PHF21A: variants seen among roughly 807,000 people sequenced by gnomAD.
PHF21A encodes the protein PHD finger protein 21A, also known as BHC80a.
PHF21A carries 11 observed loss-of-function variants against 82.5 expected under a neutral mutation model. The ratio of observed to expected loss-of-function variants is 0.13; its 90% CI spans 0.08 to 0.22. The LOEUF is 0.22. Among genes scored for constraint, PHF21A ranks in the 10% least tolerant of loss-of-function variants. PHF21A has a pLI of 1.00. For missense variants in PHF21A, 579 were observed against 837.8 expected (o/e 0.69, Z 3.81); for synonymous variants, 297 against 302.8 (o/e 0.98, Z 0.20).
At chr11:45,963,549 C>T (rs538021329) in intron 10 of PHF21A, among the ~76,000 whole-genome samples, 1 of 151,798 alleles carries the variant, frequency 6.6e-6, no homozygotes, top group Non-Finnish European at 1.5e-5. Context: ...CGGGGAAAAG[C>T]ACCTTCTACA....
rs56931455 is a variant in PHF21A, at chr11:45,939,771, C to CAA, written c.1453-1461_1453-1460dup. Among the ~76,000 whole-genome samples, 380 of 59,982 alleles carry CAA rather than the reference C, an allele frequency of 6.3e-3. 1 individual carries two copies. Among genetic ancestry groups the CAA allele is most frequent in the Middle Eastern group, 0.021 (2 of 94 alleles). The allele number at this position is 59,982 out of a possible 152,430, so 39.4% of individuals were successfully genotyped here. On this transcript the variant is annotated intron_variant, in intron 15 of 18. Coordinates refer to ENST00000676320, the MANE Select transcript of PHF21A (RefSeq NM_001352027.3). Reference sequence around the variant, plus strand: ...AAAATTGGAAGAGGAGAACATAGCCCAAAAAAAAAAAAAAAAAAAAAAAAG... The same window carrying CAA: ...AAAATTGGAAGAGGAGAACATAGCCCAAAAAAAAAAAAAAAAAAAAAAAAAAG...
intron 16 of PHF21A, among the ~76,000 whole-genome samples, chr11:45,937,894 G>A (rs1334373452): frequency 6.6e-6 from 1 of 152,198 alleles, no homozygotes; most frequent in Non-Finnish European, 1.5e-5. Flanking sequence ...AGGCACACTG[G>A]ACTTTAAAGG....
intron 6 of PHF21A, among the ~76,000 whole-genome samples, chr11:46,039,350 G>T (rs1228566028): frequency 6.6e-6 from 1 of 152,064 alleles, no homozygotes; most frequent in African/African-American, 2.4e-5. Context: ...TTTCTTGTCT[G>T]CTTATAGTTA....
At chr11:46,044,125 A>C (rs543214781) in intron 6 of PHF21A, among the ~76,000 whole-genome samples, 1 of 152,298 alleles carries the variant, frequency 6.6e-6, no homozygotes, top group African/African-American at 2.4e-5. Context: ...TCAAGTTTCA[A>C]CCTAAGCACT....
At position 45,949,292 on chromosome 11, in the gene PHF21A, C is replaced by T. The variant is rs145068383; in HGVS notation, c.1227+110G>A. Reference sequence around the variant, plus strand: ...AAATCTACCACTTCACAGAACTGGCCAAGTACAATCAGGGTGCTGCTCTTC... The same window carrying T: ...AAATCTACCACTTCACAGAACTGGCTAAGTACAATCAGGGTGCTGCTCTTC... On this transcript the variant is annotated intron_variant, in intron 13 of 18. Coordinates refer to ENST00000676320, the MANE Select transcript of PHF21A (RefSeq NM_001352027.3). The T allele has an allele frequency of 4.0e-4, 353 of 883,452 alleles. 1 individual carries two copies. The African/African-American group carries it at 5.2e-3, about 13-fold the overall frequency. 54.7% of individuals were successfully genotyped at this position (883,452 alleles called of 1,614,324 possible).
intron 18 of PHF21A, chr11:45,935,061 C>T: frequency 1.6e-6 from 2 of 1,233,818 alleles, no homozygotes; most frequent in Non-Finnish European, 2.1e-6. Context: ...AGCCTCTGTC[C>T]CCCTGCTGCA....
At chr11:46,082,602 T>C (rs1254493375) in intron 4 of PHF21A, among the ~76,000 whole-genome samples, 1 of 152,216 alleles carries the variant, frequency 6.6e-6, no homozygotes, top group Admixed American at 6.5e-5. Flanking sequence ...TGACAGTTAA[T>C]ATGAATAGTA....
chr11:46,051,420 C>T (rs539563854), intron 6 of PHF21A, among the ~76,000 whole-genome samples: 2 of 152,254 alleles, frequency 1.3e-5, no homozygotes, highest in Non-Finnish European at 2.9e-5. Flanking sequence ...ACCATTACCT[C>T]CCACCTCCAT....
chr11:45,953,724 A>G, intron 10 of PHF21A, 99 bp from the exon 11 acceptor site: 9 of 726,240 alleles, frequency 1.2e-5, no homozygotes, highest in South Asian at 1.1e-4. Context: ...GAAAGAAGAC[A>G]ACATATTCAA....
chr11:46,050,162 C>T (rs1468141135), intron 6 of PHF21A, among the ~76,000 whole-genome samples: 1 of 152,240 alleles, frequency 6.6e-6, no homozygotes, highest in Non-Finnish European at 1.5e-5. Flanking sequence ...GCTGTTGGGA[C>T]ATTTGCCTCC....
intron 1 of PHF21A, among the ~76,000 whole-genome samples, chr11:46,119,098 T>C (rs1055283385): frequency 9.3e-6 from 1 of 107,098 alleles, no homozygotes; most frequent in Non-Finnish European, 1.9e-5. Context: ...CTTCCCAGAG[T>C]GCACAACTGC....
At chr11:45,982,289 A>C (rs2094330138) in intron 6 of PHF21A, among the ~76,000 whole-genome samples, 1 of 151,926 alleles carries the variant, frequency 6.6e-6, no homozygotes, top group South Asian at 2.1e-4. Context: ...TTTATTATTG[A>C]TTCTTTTCAG....
chr11:46,099,088 A>G (rs2097049770), intron 1 of PHF21A, among the ~76,000 whole-genome samples: 2 of 152,266 alleles, frequency 1.3e-5, no homozygotes, highest in African/African-American at 4.8e-5. Flanking sequence ...ATTTTATAAA[A>G]TAGCATCAAC....
intron 6 of PHF21A, among the ~76,000 whole-genome samples, chr11:45,995,775 A>T (rs1375131143): frequency 6.6e-6 from 1 of 152,226 alleles, no homozygotes; most frequent in African/African-American, 2.4e-5. Flanking sequence ...CAGCTCAATT[A>T]TACATGTGTA....
At position 46,016,521 on chromosome 11, in the gene PHF21A, GA is replaced by G. The variant is rs564051419; in HGVS notation, c.154-36556del. ...ACCTGTCCAAACCTTACCCATTCTA[GA>G]AGACCTAGATCAAACACCATTTCTT... On this transcript the variant is annotated intron_variant, in intron 6 of 18. Coordinates refer to ENST00000676320, the MANE Select transcript of PHF21A (RefSeq NM_001352027.3). Among the ~76,000 whole-genome samples the G allele has an allele frequency of 7.2e-5, 11 of 152,064 alleles. No homozygotes were observed. In the South Asian group the frequency reaches 2.3e-3, roughly 32 times the overall value.
chr11:46,036,135 C>T (rs1008899591), intron 6 of PHF21A, among the ~76,000 whole-genome samples: 2 of 152,150 alleles, frequency 1.3e-5, no homozygotes, highest in African/African-American at 4.8e-5. Context: ...AACATGATGA[C>T]TGAATTTCGG....
At chr11:46,000,196 A>G (rs562157863) in intron 6 of PHF21A, among the ~76,000 whole-genome samples, 6 of 152,238 alleles carry the variant, frequency 3.9e-5, no homozygotes, top group Non-Finnish European at 7.3e-5. Flanking sequence ...TTTAGCACGA[A>G]GAAACTGCTA....
intron 18 of PHF21A, 96 bp downstream of exon 18, chr11:45,935,540 A>C (rs2088719138): frequency 1.3e-6 from 1 of 787,490 alleles, no homozygotes. Context: ...GAAGGACCCG[A>C]AACAGCCTGG....
At chr11:45,944,286 C>A (rs947297786) in intron 15 of PHF21A, among the ~76,000 whole-genome samples, 4 of 152,128 alleles carry the variant, frequency 2.6e-5, no homozygotes. Flanking sequence ...ATGAAGTCTG[C>A]AACTTCTTGT....
Sources: allele counts gnomAD v4.1 joint callset (sites outside exome capture counted in the v4.1 genomes callset), GRCh38; gene constraint gnomAD v4.1.1; transcripts MANE v1.5; gene names NCBI Gene and HGNC (gene_info 2026-07-23, HGNC 2026-07-21).